Variants in SDK2 observed in about 807,000 individuals in gnomAD.
SDK2 encodes the protein sidekick cell adhesion molecule 2.
Under a neutral mutation model 253.9 loss-of-function variants are expected in SDK2, and 105 were observed. The ratio of observed to expected loss-of-function variants is 0.41; its 90% CI spans 0.35 to 0.49. The LOEUF (loss-of-function observed/expected upper bound fraction) is 0.49. Ranked by LOEUF, SDK2 falls within the 20% of genes least tolerant of loss-of-function variation. The pLI is 0.06. For synonymous variants in SDK2, 1,249 were observed against 1,234.9 expected (o/e 1.01, Z -0.24); for missense variants, 2,608 against 3,003.0 (o/e 0.87, Z 3.07).
chr17:73,437,321 C>T (rs2063377633), intron 8 of SDK2, among the ~76,000 whole-genome samples: 2 of 152,148 alleles, frequency 1.3e-5, no homozygotes, highest in South Asian at 2.1e-4. Context: ...GTAGGAATAG[C>T]GGAGGGAGCT....
chr17:73,493,641 G>C (rs1258612145), intron 2 of SDK2, among the ~76,000 whole-genome samples: 3 of 152,218 alleles, frequency 2.0e-5, no homozygotes, highest in Non-Finnish European at 2.9e-5. Flanking sequence ...TATAAAATGG[G>C]AGGCATTAAG....
At position 73,467,512 on chromosome 17, in the gene SDK2, C is replaced by A. The variant is rs1422342098; in HGVS notation, c.331+4600G>T. Among the ~76,000 whole-genome samples, 1 of 152,142 alleles carries A rather than the reference C, an allele frequency of 6.6e-6. No individual in the cohort carries two copies. Among genetic ancestry groups the A allele is most frequent in the Non-Finnish European group, 1.5e-5 (1 of 68,018 alleles). On this transcript the variant is annotated intron_variant, in intron 3 of 44. Coordinates refer to ENST00000392650, the MANE Select transcript of SDK2 (RefSeq NM_001144952.2). This position sits in a 1 kb window ranked among gnomAD's most constrained non-coding sequence, Gnocchi z 4.1. Reference sequence around the variant, plus strand: ...CTGCTATGAGTGAGAATGGTTTTGCCAAGTGCTGTGTTTCCCTAGGCCCAG... The same window carrying A: ...CTGCTATGAGTGAGAATGGTTTTGCAAAGTGCTGTGTTTCCCTAGGCCCAG...
chr17:73,511,810 G>A lies in SDK2; in HGVS notation c.65-4213C>T, dbSNP rs1479903366. Among the ~76,000 whole-genome samples, 2 of 152,228 alleles carry A rather than the reference G, an allele frequency of 1.3e-5. No homozygotes were observed. The highest frequency in any genetic ancestry group is 1.3e-4 in the Admixed American group (2 of 15,286). Reference sequence around the variant, plus strand: ...AGCAAGAGATGGCAGGGGGCTGGCAGGGTGTGTGCTGTAGGAAGAATGACA... The same window carrying A: ...AGCAAGAGATGGCAGGGGGCTGGCAAGGTGTGTGCTGTAGGAAGAATGACA... On this transcript the variant is annotated intron_variant, in intron 1 of 44. Transcript: ENST00000392650. This position sits in a 1 kb window ranked among gnomAD's most constrained non-coding sequence, Gnocchi z 4.9.
chr17:73,426,047 T>C lies in SDK2; in HGVS notation c.1584-1955A>G, dbSNP rs1345002447. Among the ~76,000 whole-genome samples the C allele has an allele frequency of 4.0e-5, 6 of 151,618 alleles. No individual in the cohort carries two copies. The East Asian group carries it at 1.2e-3, about 29-fold the overall frequency. ...ATTCAGCCATCCTATTTTTATATTT[T>C]ATTTTATTTTATTTTGAGACAGAAT... On this transcript the variant is annotated intron_variant, in intron 12 of 44. Coordinates refer to ENST00000392650, the MANE Select transcript of SDK2 (RefSeq NM_001144952.2).
At chr17:73,554,540 C>T (rs1422572792) in intron 1 of SDK2, among the ~76,000 whole-genome samples, 2 of 152,178 alleles carry the variant, frequency 1.3e-5, no homozygotes, top group Admixed American at 1.3e-4. Context: ...CAGAGCCTTC[C>T]CTCATGGCCC....
intron 36 of SDK2, among the ~76,000 whole-genome samples, chr17:73,377,501 A>G (rs927568521): frequency 1.8e-4 from 26 of 148,422 alleles, no homozygotes; most frequent in Admixed American, 4.7e-4. Flanking sequence ...TTACATGTGT[A>G]GGCCACCACA....
intron 2 of SDK2, among the ~76,000 whole-genome samples, chr17:73,489,605 T>C (rs2063791876): frequency 6.6e-6 from 1 of 152,146 alleles, no homozygotes; most frequent in South Asian, 2.1e-4. Flanking sequence ...TGGATGTTGA[T>C]AAGGCTGGAG....
rs1400886006 is a variant in SDK2 at position 73,641,661 on chromosome 17, C to G, written c.64+2364G>C. 2.0e-5 allele frequency among the ~76,000 whole-genome samples: 3 copies of G among 151,618 alleles called. No homozygotes were observed. The East Asian group carries it at 5.8e-4, about 29-fold the overall frequency. The stretch of plus-strand genomic sequence containing the variant: ...ACAGTGGTCGATGTGAAGTTTGTCT[C>G]AAGGGAGGAACAATTGTTTCGTCCC... On this transcript the variant is annotated intron_variant, in intron 1 of 44. Transcript: ENST00000392650.
chr17:73,384,752 G>A (rs1044948419), intron 32 of SDK2, among the ~76,000 whole-genome samples: 2 of 152,212 alleles, frequency 1.3e-5, no homozygotes, highest in African/African-American at 2.4e-5. Flanking sequence ...GGAGGCGGAG[G>A]TTGCAGTGAG....
At chr17:73,356,813 G>T (rs769047804) in intron 40 of SDK2, among the ~76,000 whole-genome samples, 7 of 152,216 alleles carry the variant, frequency 4.6e-5, no homozygotes, top group Non-Finnish European at 1.0e-4. Context: ...CTCAGGTCTT[G>T]ATTCCACCAG....
Position 73,481,691 on chromosome 17 carries a change from G to A in SDK2, c.225-9473C>T, listed in dbSNP as rs1049572149. ...AAGGCGGAGGGAGGAGGAATGTGCTGTCTTGGGAGGAGATGCCCATCTTCT... is the reference window on the plus strand; with the variant it reads ...AAGGCGGAGGGAGGAGGAATGTGCTATCTTGGGAGGAGATGCCCATCTTCT... On this transcript the variant is annotated intron_variant, in intron 2 of 44. Coordinates refer to ENST00000392650, the MANE Select transcript of SDK2 (RefSeq NM_001144952.2). The surrounding 1 kb of genome is among the most constrained non-coding windows in gnomAD (Gnocchi z 4.5). 6.6e-6 allele frequency among the ~76,000 whole-genome samples: 1 copy of A among 152,180 alleles called. No homozygotes were observed. Among genetic ancestry groups the A allele is most frequent in the African/African-American group, 2.4e-5 (1 of 41,448 alleles).
At chr17:73,581,748 A>G (rs1285083733) in intron 1 of SDK2, among the ~76,000 whole-genome samples, 1 of 152,198 alleles carries the variant, frequency 6.6e-6, no homozygotes, top group Non-Finnish European at 1.5e-5. Flanking sequence ...TCTGCACCTG[A>G]CGCAGGGCCT....
intron 2 of SDK2, among the ~76,000 whole-genome samples, chr17:73,491,374 C>CTT (rs536017346): frequency 0.28 from 37,017 of 133,836 alleles, 5,945 homozygotes; most frequent in East Asian, 0.48. Flanking sequence ...TGTTTTTTGG[C>CTT]TTTTTTTTTT....
At chr17:73,529,379 C>A (rs16977670) in intron 1 of SDK2, among the ~76,000 whole-genome samples, 1 of 152,102 alleles carries the variant, frequency 6.6e-6, no homozygotes, top group African/African-American at 2.4e-5. Flanking sequence ...GAGCTAGCAC[C>A]GTCAATATGA....
chr17:73,509,303 C>T (rs531705106), intron 1 of SDK2, among the ~76,000 whole-genome samples: 8 of 152,266 alleles, frequency 5.3e-5, no homozygotes, highest in East Asian at 3.9e-4. Flanking sequence ...GCTCTGTGCC[C>T]GGCCCAGAGT....
At chr17:73,419,556 G>A (rs938306486) in intron 15 of SDK2, among the ~76,000 whole-genome samples, 3 of 151,814 alleles carry the variant, frequency 2.0e-5, no homozygotes, top group African/African-American at 7.3e-5. Flanking sequence ...GTGTATATGT[G>A]GATATATGTA....
intron 29 of SDK2, among the ~76,000 whole-genome samples, chr17:73,388,770 C>T (rs1274266758): frequency 4.6e-5 from 4 of 87,862 alleles, no homozygotes; most frequent in Admixed American, 3.4e-4. Context: ...CCTTCCCTCC[C>T]TCTCCTTCCT....
Position 73,602,271 on chromosome 17 carries a change from G to A in SDK2, c.64+41754C>T, listed in dbSNP as rs1045560901. 2.6e-5 allele frequency among the ~76,000 whole-genome samples: 4 copies of A among 152,306 alleles called. No homozygotes were observed. In the East Asian group the frequency reaches 7.7e-4, roughly 29 times the overall value. ...TGTGAGGCCCAGAGACTGAGAAGGA[G>A]CCCAGGCCTGCATGCCTCAGCCACT... On this transcript the variant is annotated intron_variant, in intron 1 of 44. Transcript: ENST00000392650.
intron 1 of SDK2, among the ~76,000 whole-genome samples, chr17:73,550,868 C>T (rs138396677): frequency 8.5e-5 from 13 of 152,184 alleles, no homozygotes; most frequent in Admixed American, 2.6e-4. Flanking sequence ...GCGAGTCACC[C>T]GTCCACAGGG....
Sources: allele counts gnomAD v4.1 joint callset (sites outside exome capture counted in the v4.1 genomes callset), GRCh38; gene constraint gnomAD v4.1.1; non-coding constraint Gnocchi (gnomAD v3.1); transcripts MANE v1.5; gene names NCBI Gene and HGNC (gene_info 2026-07-23, HGNC 2026-07-21).